The following CLEC19A variants were observed in gnomAD, a reference collection of about 807,000 sequenced individuals.
The protein encoded by CLEC19A is C-type lectin domain family 19 member A.
Under a neutral mutation model 26.1 loss-of-function variants are expected in CLEC19A, and 21 were observed. The observed-to-expected ratio is 0.80, with a 90% CI of 0.57 to 1.16. CLEC19A has a LOEUF of 1.16. Ranked by LOEUF, CLEC19A falls within the 50% of genes most tolerant of loss-of-function variation. The pLI, the probability that CLEC19A is intolerant of heterozygous loss-of-function variation, is 0.00. For missense variants in CLEC19A, 224 were observed against 227.6 expected, an observed-to-expected ratio of 0.98 and a Z score of 0.10; for synonymous variants, 89 against 88.6, an observed-to-expected ratio of 1.00 and a Z score of -0.03.
At chr16:19,296,193 G>T (rs755879440) in intron 1 of CLEC19A, among the ~76,000 whole-genome samples, 1 of 152,202 alleles carries the variant, frequency 6.6e-6, no homozygotes, top group East Asian at 1.9e-4. Context: ...ACAGCCGCTG[G>T]GGTTGGGGAC....
rs1897449244 is a variant in CLEC19A, at chr16:19,285,755, T to C, written c.-97T>C. Reference sequence around the variant, plus strand: ...CAGTCTGTCCCAGCTCCTGCCAGGCTCCATCTGACCCTAGGAGAGCAATCC... The same window carrying C: ...CAGTCTGTCCCAGCTCCTGCCAGGCCCCATCTGACCCTAGGAGAGCAATCC... On this transcript the variant is annotated 5_prime_UTR_variant, in exon 1 of 5. Transcript: ENST00000636231. The C allele has an allele frequency of 2.0e-6, 2 of 1,018,540 alleles. No individual in the cohort carries two copies. Among genetic ancestry groups the C allele is most frequent in the Non-Finnish European group, 3.0e-6 (2 of 670,532 alleles). 63.1% of individuals were successfully genotyped at this position (1,018,540 alleles called of 1,614,324 possible).
intron 3 of CLEC19A, among the ~76,000 whole-genome samples, chr16:19,306,122 C>A (rs1372268531): frequency 6.7e-6 from 1 of 150,134 alleles, no homozygotes; most frequent in Admixed American, 6.7e-5. Context: ...GGATTACAGG[C>A]TTGAGCCACC....
At chr16:19,294,177 C>T (rs937097565) in intron 1 of CLEC19A, among the ~76,000 whole-genome samples, 2 of 151,340 alleles carry the variant, frequency 1.3e-5, no homozygotes, top group African/African-American at 2.4e-5. Flanking sequence ...AGGTAGAAGA[C>T]AAAGAGAGCA....
At chr16:19,290,378 C>G (rs1233892116) in intron 1 of CLEC19A, among the ~76,000 whole-genome samples, 1 of 151,750 alleles carries the variant, frequency 6.6e-6, no homozygotes, top group Non-Finnish European at 1.5e-5. Flanking sequence ...CATCTCTTCC[C>G]TCTTCTCCTT....
intron 1 of CLEC19A, among the ~76,000 whole-genome samples, chr16:19,287,474 A>G (rs1897497371): frequency 6.6e-6 from 1 of 152,156 alleles, no homozygotes; most frequent in Non-Finnish European, 1.5e-5. Context: ...AAGAGGAGAG[A>G]CACAGACATT....
At chr16:19,307,870 AAAC>A (rs1432908847) in intron 4 of CLEC19A, among the ~76,000 whole-genome samples, 193 bp downstream of exon 4, 3 of 152,216 alleles carry the variant, frequency 2.0e-5, no homozygotes, top group African/African-American at 4.8e-5. Flanking sequence ...GATATGCTTT[AAAC>A]AACATTAAAT....
chr16:19,302,798 C>T (rs1897863964), intron 2 of CLEC19A, among the ~76,000 whole-genome samples: 1 of 152,178 alleles, frequency 6.6e-6, no homozygotes, highest in African/African-American at 2.4e-5. Flanking sequence ...GTTGTTTTGG[C>T]TTTCCTTCAG....
intron 1 of CLEC19A, among the ~76,000 whole-genome samples, chr16:19,293,784 G>C (rs1464391119): frequency 6.6e-6 from 1 of 152,088 alleles, no homozygotes; most frequent in South Asian, 2.1e-4. Flanking sequence ...GGCTATAGTA[G>C]GTGTATATAT....
rs28575340 is a variant in CLEC19A at position 19,309,397 on chromosome 16, A to G, written c.*314A>G. On this transcript the variant is annotated 3_prime_UTR_variant, in exon 5 of 5. Coordinates refer to ENST00000636231, the MANE Select transcript of CLEC19A (RefSeq NM_001256720.2). ...GGGTCACGTGCCCATCCCTGAAGCA[A>G]TCACTTTGGCATATGCTAAGTGGCT... 27,197 of 225,966 alleles carry G rather than the reference A, an allele frequency of 0.12. 2,268 individuals carry two copies. The highest frequency in any genetic ancestry group is 0.25 in the African/African-American group (10,688 of 42,254). The allele number at this position is 225,966 out of a possible 1,614,324, so 14.0% of individuals were successfully genotyped here.
intron 3 of CLEC19A, among the ~76,000 whole-genome samples, chr16:19,307,300 T>C (rs1313744220): frequency 6.6e-6 from 1 of 152,094 alleles, no homozygotes; most frequent in Non-Finnish European, 1.5e-5. Context: ...ATGGTGAGGA[T>C]AAAATGAGTA....
intron 2 of CLEC19A, among the ~76,000 whole-genome samples, chr16:19,301,736 G>GTTTTTTTTTTTGTTTTT (rs1897829713): frequency 1.2e-5 from 1 of 81,498 alleles, no homozygotes; most frequent in African/African-American, 4.8e-5. Context: ...GGTTTTTTTG[G>GTTTTTTTTTTTGTTTTT]TTTTTTTTTT....
chr16:19,296,505 A>G (rs954363611), intron 1 of CLEC19A, among the ~76,000 whole-genome samples: 2 of 152,198 alleles, frequency 1.3e-5, no homozygotes, highest in African/African-American at 4.8e-5. Flanking sequence ...CAGTTGACCC[A>G]GTAACTCCAT....
Position 19,285,841 on chromosome 16 carries a change from A to G in CLEC19A, c.-11A>G, listed in dbSNP as rs1364477191. 1.9e-6 allele frequency: 3 copies of G among 1,550,166 alleles called. No homozygotes were observed. The highest frequency in any genetic ancestry group is 1.2e-5 in the South Asian group (1 of 84,054). ...CACTCAGGCTGGGAGGTTGCTTTCT[A>G]GGAGCTCAGGATGCAAAGGTGGACA... is the stretch of plus-strand genomic sequence containing the variant. On this transcript the variant is annotated 5_prime_UTR_variant, in exon 1 of 5. Coordinates refer to ENST00000636231, the MANE Select transcript of CLEC19A (RefSeq NM_001256720.2).
chr16:19,306,214 C>CAGCT (rs1028285488), intron 3 of CLEC19A, among the ~76,000 whole-genome samples: 23 of 150,780 alleles, frequency 1.5e-4, no homozygotes, highest in African/African-American at 5.6e-4. Context: ...GGTGCAATCA[C>CAGCT]AGCTCACCGC....
rs149471369 is a variant in CLEC19A at position 19,289,615 on chromosome 16, G to A, written c.88+3676G>A. Among the ~76,000 whole-genome samples, 390 of 152,234 alleles carry A rather than the reference G, an allele frequency of 2.6e-3. 4 individuals carry two copies. Among genetic ancestry groups the A allele is most frequent in the African/African-American group, 9.1e-3 (378 of 41,548 alleles). On this transcript the variant is annotated intron_variant, in intron 1 of 4. Coordinates refer to ENST00000636231, the MANE Select transcript of CLEC19A (RefSeq NM_001256720.2). ...CTCATCTGTAAAATGGGGATGATAC[G>A]GATACTCCCTCCTAGGCTGATCTCA... is the stretch of plus-strand genomic sequence containing the variant.
At chr16:19,291,071 G>T (rs1359240867) in intron 1 of CLEC19A, among the ~76,000 whole-genome samples, 1 of 152,114 alleles carries the variant, frequency 6.6e-6, no homozygotes, top group Non-Finnish European at 1.5e-5. Context: ...TCAAACTCCT[G>T]GCCTCAAACG....
chr16:19,291,903 G>C (rs1022032498), intron 1 of CLEC19A, among the ~76,000 whole-genome samples: 1 of 152,132 alleles, frequency 6.6e-6, no homozygotes, highest in African/African-American at 2.4e-5. Context: ...TTCACCCCTG[G>C]CATCCATAAC....
At position 19,309,213 on chromosome 16, in the gene CLEC19A, A is replaced by G. The variant is rs1234791634; in HGVS notation, c.*130A>G. 6 of 703,072 alleles carry G rather than the reference A, an allele frequency of 8.5e-6. No homozygotes were observed. The highest frequency in any genetic ancestry group is 2.4e-6 in the Non-Finnish European group (1 of 425,400). The allele number at this position is 703,072 out of a possible 1,614,324, so 43.6% of individuals were successfully genotyped here. The stretch of plus-strand genomic sequence containing the variant: ...ATCTCTTGGACAGAGATTTTAAACA[A>G]GCAGATCTTAATTATACAGGGTGGT... On this transcript the variant is annotated 3_prime_UTR_variant, in exon 5 of 5. Transcript: ENST00000636231.
At chr16:19,304,265 T>G (rs1262630063) in intron 3 of CLEC19A, 110 bp downstream of exon 3, 1 of 860,658 alleles carries the variant, frequency 1.2e-6, no homozygotes, top group Middle Eastern at 2.2e-4. Flanking sequence ...ACACAGCATA[T>G]AGAGAGAAAT....
Sources: allele counts gnomAD v4.1 joint callset (sites outside exome capture counted in the v4.1 genomes callset), GRCh38; gene constraint gnomAD v4.1.1; transcripts MANE v1.5; gene names NCBI Gene and HGNC (gene_info 2026-07-23, HGNC 2026-07-21).